The following UFD1 variants were observed in gnomAD, a reference collection of about 807,000 sequenced individuals.
UFD1 encodes ubiquitin recognition factor in ER associated degradation 1.
UFD1 carries 13 observed loss-of-function variants against 45.9 expected under a neutral mutation model. The observed-to-expected ratio is 0.28, with a 90% confidence interval of 0.18 to 0.45. UFD1 has a LOEUF of 0.45. UFD1 is among the 20% of genes least tolerant of loss of function. The pLI, the probability that UFD1 is intolerant of heterozygous loss-of-function variation, is 1.00. For synonymous variants in UFD1, 128 were observed against 139.2 expected (o/e 0.92, Z 0.56); for missense variants, 218 against 389.2 (o/e 0.56, Z 3.70).
chr22:19,458,498 C>T (rs531561067), intron 6 of UFD1, among the ~76,000 whole-genome samples: 1 of 152,314 alleles, frequency 6.6e-6, no homozygotes, highest in Admixed American at 6.5e-5. Context: ...GGCTGGAGTG[C>T]AGTGGTGCGA....
chr22:19,450,939 C>T, intron 11 of UFD1, 195 bp from the exon 12 acceptor site: 5 of 1,300,772 alleles, frequency 3.8e-6, no homozygotes, highest in Non-Finnish European at 5.0e-6. Flanking sequence ...AGTTCAAGAC[C>T]AGCCTGGGCA....
At chr22:19,465,405 C>T (rs1467672502) in intron 5 of UFD1, 131 bp from the exon 6 acceptor site, 14 of 695,490 alleles carry the variant, frequency 2.0e-5, no homozygotes, top group Non-Finnish European at 2.7e-5. Context: ...GCTTTTAATA[C>T]AATAAAGTAC....
chr22:19,452,286 C>G (rs1408954148), intron 11 of UFD1: 1 of 152,160 alleles, frequency 6.6e-6, no homozygotes, highest in Non-Finnish European at 1.5e-5. Flanking sequence ...CAAATTTCCT[C>G]TTCTTAAAAG....
rs561037989 is a variant in UFD1 at position 19,475,712 on chromosome 22, A to G, written c.4-110T>C. On this transcript the variant is annotated intron_variant, in intron 1 of 11. Transcript: ENST00000263202. ...CTACTAAACATTGTCAGAGAACACA[A>G]TGTACTGAAATCTTCAATGTAATCT... is the stretch of plus-strand genomic sequence containing the variant. 1.1e-3 allele frequency: 1,373 copies of G among 1,289,964 alleles called. 33 individuals carry two copies. The South Asian group carries it at 0.018, about 17-fold the overall frequency. The allele number at this position is 1,289,964 out of a possible 1,614,324, so 79.9% of individuals were successfully genotyped here. A position where few individuals can be genotyped will look rare whatever the true frequency, so the allele number is the denominator to read the frequency against.
At chr22:19,454,332 C>T (rs773517894) in intron 11 of UFD1, 8 of 1,010,344 alleles carry the variant, frequency 7.9e-6, no homozygotes, top group Non-Finnish European at 7.1e-6. Flanking sequence ...CAAATCTCAT[C>T]TTGAATTACC....
Position 19,455,774 on chromosome 22 carries a change from C to T in UFD1, c.679-6G>A. Reference sequence around the variant, plus strand: ...TTGCCAGATCCAGAGAAAGCCTAGACAGGAAGTAGGTGAGTCATATAATAA... The same window carrying T: ...TTGCCAGATCCAGAGAAAGCCTAGATAGGAAGTAGGTGAGTCATATAATAA... On this transcript the variant is annotated splice_polypyrimidine_tract_variant and splice_region_variant and intron_variant, in intron 9 of 11. Coordinates refer to ENST00000263202, the MANE Select transcript of UFD1 (RefSeq NM_005659.7). 6.2e-7 allele frequency: 1 copy of T among 1,613,914 alleles called. No individual in the cohort carries two copies. The highest frequency in any genetic ancestry group is 8.5e-7 in the Non-Finnish European group (1 of 1,179,824).
intron 6 of UFD1, 45 bp downstream of exon 6, chr22:19,465,157 T>C: frequency 6.4e-7 from 1 of 1,567,286 alleles, no homozygotes; most frequent in Non-Finnish European, 8.8e-7. Context: ...GAATGGACAC[T>C]GCAGGTGGCT....
In UFD1 at chr22:19,456,615, C is replaced by T. The variant is rs1458013532; in HGVS notation, c.650G>A (p.Ser217Asn). 1 of 1,614,188 alleles carries T rather than the reference C, an allele frequency of 6.2e-7. No individual in the cohort carries two copies. Among genetic ancestry groups the T allele is most frequent in the Non-Finnish European group, 8.5e-7 (1 of 1,180,032 alleles). The change falls in exon 9 of 12, where the codon AGT (serine) becomes AAT (asparagine). Residue 217 changes from serine (S) to asparagine (N), a missense_variant. Physicochemically the swap from Ser to Asn is conservative, Grantham distance 46. Coordinates refer to ENST00000263202, the MANE Select transcript of UFD1 (RefSeq NM_005659.7). ...GAAGCCCAGCTCTCCAGCATAGCCA[C>T]TGTGGTCGGCTTCACCTTCCTGACA... ...EESTEGEADH[S>N]GYAGELGFRA...
chr22:19,471,289 C>A, intron 4 of UFD1: 1 of 526,026 alleles, frequency 1.9e-6, no homozygotes, highest in Admixed American at 1.9e-5. Flanking sequence ...TCAGAGGTAA[C>A]TGAAAACATG....
rs557722514 is a variant in UFD1 at position 19,459,192 on chromosome 22, T to A, written c.496-1053A>T. On this transcript the variant is annotated intron_variant, in intron 6 of 11. Coordinates refer to ENST00000263202, the MANE Select transcript of UFD1 (RefSeq NM_005659.7). ...ATACTCAAAATGCAGCTGAATTATA[T>A]TTCTTCATATGTAAATTTACAGTTA... is the stretch of plus-strand genomic sequence containing the variant. Among the ~76,000 whole-genome samples, 34 of 152,348 alleles carry A rather than the reference T, an allele frequency of 2.2e-4. 1 individual carries two copies. Among genetic ancestry groups the A allele is most frequent in the African/African-American group, 7.9e-4 (33 of 41,578 alleles).
At chr22:19,475,005 T>C in intron 3 of UFD1, 63 bp downstream of exon 3, 1 of 1,492,046 alleles carries the variant, frequency 6.7e-7, no homozygotes, top group Non-Finnish European at 9.2e-7. Flanking sequence ...GAGGAGCCCA[T>C]GCTGACTCTT....
intron 4 of UFD1, chr22:19,471,066 G>A: frequency 2.4e-6 from 1 of 422,294 alleles, no homozygotes; most frequent in Non-Finnish European, 4.7e-6. Context: ...AACTCTCACT[G>A]CTGCAGGCTC....
At chr22:19,457,725 C>T (rs1307600019) in intron 7 of UFD1, among the ~76,000 whole-genome samples, 3 of 152,046 alleles carry the variant, frequency 2.0e-5, no homozygotes, top group Non-Finnish European at 2.9e-5. Context: ...GCAGGAGAAT[C>T]GCTTGAACCT....
intron 11 of UFD1, chr22:19,453,010 G>C: frequency 2.1e-5 from 21 of 978,764 alleles, no homozygotes; most frequent in Non-Finnish European, 2.5e-5. Context: ...TTTGGTTTCT[G>C]TGGCTGTTCT....
At chr22:19,465,115 G>A (rs1601895053) in intron 6 of UFD1, 87 bp downstream of exon 6, 4 of 1,280,892 alleles carry the variant, frequency 3.1e-6, no homozygotes, top group East Asian at 2.3e-5. Flanking sequence ...CCAGGCATAC[G>A]CTGCTTAAAA....
intron 6 of UFD1, among the ~76,000 whole-genome samples, chr22:19,463,614 C>G (rs2089782157): frequency 6.6e-6 from 1 of 152,208 alleles, no homozygotes; most frequent in African/African-American, 2.4e-5. Context: ...TCTCCTGAGA[C>G]AATGACAACA....
Position 19,471,278 on chromosome 22 carries a change from G to A in UFD1, c.291+409C>T, listed in dbSNP as rs560726462. ...TCAGTTGAGAGATTTGGGAGACTAC[G>A]TCAGAGGTAACTGAAAACATGTATG... On this transcript the variant is annotated intron_variant, in intron 4 of 11. Transcript: ENST00000263202. The A allele has an allele frequency of 8.4e-5, 44 of 521,992 alleles. 1 individual carries two copies. In the East Asian group the frequency reaches 1.9e-3, roughly 23 times the overall value. The allele number at this position is 521,992 out of a possible 1,614,324, so 32.3% of individuals were successfully genotyped here.
intron 7 of UFD1, 172 bp from the exon 8 acceptor site, chr22:19,457,090 G>T (rs532199227): frequency 6.2e-5 from 38 of 612,314 alleles, no homozygotes; most frequent in African/African-American, 5.5e-4. Context: ...CAAAATTACA[G>T]TAAAGTATTG....
In UFD1 at chr22:19,467,952, C is replaced by G; in HGVS notation, c.343G>C (p.Val115Leu). The G allele has an allele frequency of 6.2e-7, 1 of 1,614,114 alleles. No homozygotes were observed. Residue 115 changes from valine (V) to leucine (L), a missense_variant, in exon 5 of 12, where the codon GTC (valine) becomes CTC (leucine). Around this residue, in one of 2 missense-constraint regions of UFD1, gnomAD observed 149 missense variants for 307.5 expected, o/e 0.48. Coordinates refer to ENST00000263202, the MANE Select transcript of UFD1 (RefSeq NM_005659.7). ...EEGGLVQVES[V>L]NLQVATYSKF... ...GAGTAGGTGGCCACTTGAAGGTTGA[C>G]GCTCTCCACCTGGACCAGGCCGCCT...
Sources: allele counts gnomAD v4.1 joint callset (sites outside exome capture counted in the v4.1 genomes callset), GRCh38; gene constraint gnomAD v4.1.1; regional missense constraint gnomAD v4.1.1; transcripts MANE v1.5; gene names NCBI Gene and HGNC (gene_info 2026-07-23, HGNC 2026-07-21).